The following JPH2 variants were observed in gnomAD, a reference collection of about 807,000 sequenced individuals.
JPH2 encodes junctophilin-2.
Under a neutral mutation model 55.9 loss-of-function variants are expected in JPH2, and 38 were observed. The observed-to-expected ratio is 0.68, with a 90% CI of 0.52 to 0.89. JPH2 has a LOEUF of 0.89. Ranked by LOEUF, JPH2 falls within the 40% of genes least tolerant of loss-of-function variation. The pLI, the probability that JPH2 is intolerant of heterozygous loss-of-function variation, is 0.00. For synonymous variants in JPH2, 480 were observed against 472.4 expected, an observed-to-expected ratio of 1.02 and a Z score of -0.21; for missense variants, 964 against 1,037.6, an observed-to-expected ratio of 0.93 and a Z score of 0.97.
At chr20:44,184,620 G>A (rs943482717) in intron 1 of JPH2, among the ~76,000 whole-genome samples, 1 of 152,136 alleles carries the variant, frequency 6.6e-6, no homozygotes. Flanking sequence ...TTAGCTAAGT[G>A]ATATGTCCAT....
Position 44,109,287 on chromosome 20 carries a change from G to A in JPH2, c.*4231C>T, listed in dbSNP as rs1052076058. On this transcript the variant is annotated 3_prime_UTR_variant, in exon 6 of 6. Coordinates refer to ENST00000372980, the MANE Select transcript of JPH2 (RefSeq NM_020433.5). The stretch of plus-strand genomic sequence containing the variant: ...AATACCTACACCATGGAGATACTGC[G>A]AAGAATGGAAAATAGCAGTGCATTT... Among the ~76,000 whole-genome samples the A allele has an allele frequency of 2.6e-5, 4 of 152,200 alleles. No homozygotes were observed. Among genetic ancestry groups the A allele is most frequent in the East Asian group, 3.8e-4 (2 of 5,204 alleles).
chr20:44,126,195 G>A (rs1444492037), intron 2 of JPH2, among the ~76,000 whole-genome samples: 1 of 118,208 alleles, frequency 8.5e-6, no homozygotes, highest in Non-Finnish European at 1.7e-5. Flanking sequence ...AGGAAGGGAG[G>A]AAGGAAGGAA....
At chr20:44,156,868 C>T (rs191624414) in intron 2 of JPH2, among the ~76,000 whole-genome samples, 2 of 152,228 alleles carry the variant, frequency 1.3e-5, no homozygotes, top group Non-Finnish European at 2.9e-5. Flanking sequence ...AGAAAATCAC[C>T]CATACCTTCT....
rs1209790887 is a variant in JPH2 at position 44,134,076 on chromosome 20, T to A, written c.1170-15453A>T. Among the ~76,000 whole-genome samples the A allele has an allele frequency of 5.9e-4, 14 of 23,788 alleles. 1 individual carries two copies. Among genetic ancestry groups the A allele is most frequent in the African/African-American group, 2.5e-3 (11 of 4,378 alleles). 15.6% of individuals were successfully genotyped at this position (23,788 alleles called of 152,430 possible). A position where few individuals can be genotyped will look rare whatever the true frequency, so the allele number is the denominator to read the frequency against. On this transcript the variant is annotated intron_variant, in intron 2 of 5. Coordinates refer to ENST00000372980, the MANE Select transcript of JPH2 (RefSeq NM_020433.5). ...TATATTTATTATAAATATATAAATA[T>A]ATATTTATTATAAATATATATTTAT...
intron 2 of JPH2, among the ~76,000 whole-genome samples, chr20:44,133,840 TA>T (rs1273568593): frequency 7.9e-6 from 1 of 126,142 alleles, no homozygotes; most frequent in Admixed American, 1.1e-4. Flanking sequence ...ATACTTATTA[TA>T]AATATATATA....
At chr20:44,173,912 C>CAAAA (rs1308369022) in intron 1 of JPH2, among the ~76,000 whole-genome samples, 2 of 152,074 alleles carry the variant, frequency 1.3e-5, no homozygotes, top group Non-Finnish European at 2.9e-5. Context: ...GACTCCGACT[C>CAAAA]AAAACAAACA....
In JPH2 at chr20:44,134,110, TATAAATAAATATTTATTATAAATATATAA is replaced by T; in HGVS notation, c.1170-15516_1170-15488del. 8.7e-5 allele frequency among the ~76,000 whole-genome samples: 2 copies of T among 22,902 alleles called. 1 individual carries two copies. The highest frequency in any genetic ancestry group is 1.4e-4 in the Non-Finnish European group (2 of 14,242). The allele number at this position is 22,902 out of a possible 152,430, so 15.0% of individuals were successfully genotyped here. On this transcript the variant is annotated intron_variant, in intron 2 of 5. Transcript: ENST00000372980. ...TATAAATATATATTTATTATAAATATATAAATAAATATTTATTATAAATATATAAATAAATATTTATTATAAATATATAA... is the reference window on the plus strand; with the variant it reads ...TATAAATATATATTTATTATAAATATATAAATATTTATTATAAATATATAA...
intron 2 of JPH2, among the ~76,000 whole-genome samples, chr20:44,126,757 G>T (rs1196979180): frequency 1.3e-5 from 2 of 152,244 alleles, no homozygotes; most frequent in Non-Finnish European, 2.9e-5. Context: ...AGAACTGGGT[G>T]CTAGAGACAT....
At chr20:44,134,385 A>ATTT (rs1491223807) in intron 2 of JPH2, among the ~76,000 whole-genome samples, 1 of 12,214 alleles carries the variant, frequency 8.2e-5, no homozygotes, top group African/African-American at 4.5e-4. Flanking sequence ...ATATATAAAT[A>ATTT]AATATATATT....
Position 44,110,207 on chromosome 20 carries a change from T to C in JPH2, c.*3311A>G, listed in dbSNP as rs2072132498. Among the ~76,000 whole-genome samples the C allele has an allele frequency of 6.6e-6, 1 of 151,626 alleles. No individual in the cohort carries two copies. The highest frequency in any genetic ancestry group is 2.4e-5 in the African/African-American group (1 of 41,212). ...CAATACAGCCACCCCTGCCCCCAAC[T>C]CATCCAACACACACACATACACACA... On this transcript the variant is annotated 3_prime_UTR_variant, in exon 6 of 6. Transcript: ENST00000372980.
intron 2 of JPH2, among the ~76,000 whole-genome samples, chr20:44,142,093 A>C (rs2072460967): frequency 6.6e-6 from 1 of 152,162 alleles, no homozygotes; most frequent in African/African-American, 2.4e-5. Flanking sequence ...TGCATGCTTT[A>C]ATCATACCCA....
At chr20:44,115,138 A>G (rs2072178016) in intron 4 of JPH2, among the ~76,000 whole-genome samples, 1 of 152,156 alleles carries the variant, frequency 6.6e-6, no homozygotes, top group African/African-American at 2.4e-5. Flanking sequence ...TCAGGCCTGG[A>G]ACCCAGGCAT....
Position 44,145,502 on chromosome 20 carries a change from G to C in JPH2, c.1169+14116C>G, listed in dbSNP as rs531009954. ...GCCTGTAATCCCAGCTACTCGGGAG[G>C]CTGCAGCAGGAGAATCGCTTGAACG... On this transcript the variant is annotated intron_variant, in intron 2 of 5. Coordinates refer to ENST00000372980, the MANE Select transcript of JPH2 (RefSeq NM_020433.5). Among the ~76,000 whole-genome samples the C allele has an allele frequency of 2.1e-3, 326 of 151,984 alleles. 4 individuals carry two copies. The highest frequency in any genetic ancestry group is 7.3e-3 in the African/African-American group (304 of 41,438).
chr20:44,135,422 T>C (rs1257878482), intron 2 of JPH2, among the ~76,000 whole-genome samples: 1 of 152,168 alleles, frequency 6.6e-6, no homozygotes, highest in Admixed American at 6.5e-5. Flanking sequence ...TAATTTCTTC[T>C]CCTGGGAACT....
rs553492766 is a variant in JPH2 at position 44,182,736 on chromosome 20, T to C, written c.379+3591A>G. On this transcript the variant is annotated intron_variant, in intron 1 of 5. Coordinates refer to ENST00000372980, the MANE Select transcript of JPH2 (RefSeq NM_020433.5). Reference sequence around the variant, plus strand: ...CTGTTAGTTTTTTCCATAACACTTGTAACTTTTGGAGATTACATGTATGTT... The same window carrying C: ...CTGTTAGTTTTTTCCATAACACTTGCAACTTTTGGAGATTACATGTATGTT... Among the ~76,000 whole-genome samples the C allele has an allele frequency of 3.0e-4, 46 of 152,328 alleles. No individual in the cohort carries two copies. In the South Asian group the frequency reaches 8.9e-3, roughly 30 times the overall value.
In JPH2 at chr20:44,147,181, G is replaced by A. The variant is rs191231351; in HGVS notation, c.1169+12437C>T. ...GAGTCAGTCCCTTGCAAAGGCCCAC[G>A]TGAATTGCCATTATATTCCCAATGT... is the stretch of plus-strand genomic sequence containing the variant. On this transcript the variant is annotated intron_variant, in intron 2 of 5. Transcript: ENST00000372980. 3.3e-5 allele frequency among the ~76,000 whole-genome samples: 5 copies of A among 152,314 alleles called. No individual in the cohort carries two copies. In the East Asian group the frequency reaches 5.8e-4, roughly 18 times the overall value.
rs113278836 is a variant in JPH2, at chr20:44,126,701, A to G, written c.1170-8078T>C. 9.5e-3 allele frequency among the ~76,000 whole-genome samples: 1,445 copies of G among 152,272 alleles called. 21 individuals carry two copies. The highest frequency in any genetic ancestry group is 0.033 in the African/African-American group (1,385 of 41,556). On this transcript the variant is annotated intron_variant, in intron 2 of 5. Coordinates refer to ENST00000372980, the MANE Select transcript of JPH2 (RefSeq NM_020433.5). ...CCTCTCCCCACCCAGGACTCCATTC[A>G]TTCTCATTCGGCAAATGTGTGCTGA... is the stretch of plus-strand genomic sequence containing the variant.
rs538350293 is a variant in JPH2 at position 44,170,788 on chromosome 20, T to C, written c.380-10381A>G. Reference sequence around the variant, plus strand: ...TGAATATCTCTTTAATTTTGCTCAATATATTGTTAAAATGAATAGATAAGA... The same window carrying C: ...TGAATATCTCTTTAATTTTGCTCAACATATTGTTAAAATGAATAGATAAGA... On this transcript the variant is annotated intron_variant, in intron 1 of 5. Transcript: ENST00000372980. Among the ~76,000 whole-genome samples, 12 of 152,362 alleles carry C rather than the reference T, an allele frequency of 7.9e-5. No homozygotes were observed. In the South Asian group the frequency reaches 2.5e-3, roughly 32 times the overall value.
chr20:44,117,284 A>C (rs1600830116), intron 3 of JPH2, among the ~76,000 whole-genome samples: 2 of 152,190 alleles, frequency 1.3e-5, no homozygotes, highest in African/African-American at 4.8e-5. Flanking sequence ...TCTCAAAAAA[A>C]ACAAAAAAAC....
Sources: gnomAD v4.1 joint callset for allele counts (sites outside exome capture counted in the v4.1 genomes callset) on GRCh38, gnomAD v4.1.1 for gene constraint, MANE v1.5 for transcripts, NCBI Gene and HGNC (gene_info 2026-07-23, HGNC 2026-07-21) for gene names.